The following NBAS variants were observed in gnomAD, a reference collection of about 807,000 sequenced individuals.
NBAS encodes the protein NAG/BC035112 fusion.
In NBAS, 219 loss-of-function variants were observed where a neutral mutation model predicts 302.5. The observed-to-expected ratio is 0.72, with a 90% CI of 0.65 to 0.81. NBAS has a LOEUF of 0.81. Among genes scored for constraint, NBAS ranks in the 30% least tolerant of loss-of-function variants. NBAS has a pLI of 0.00. For missense variants in NBAS, 2,932 were observed against 2,841.6 expected (o/e 1.03, Z -0.72); for synonymous variants, 1,118 against 1,021.6 (o/e 1.09, Z -1.80).
intron 47 of NBAS, 89 bp from the exon 48 acceptor site, chr2:15,219,057 C>T: frequency 4.0e-6 from 6 of 1,490,100 alleles, no homozygotes; most frequent in Non-Finnish European, 5.5e-6. Flanking sequence ...TGACCTAACA[C>T]TTGTTTGTTG....
intron 12 of NBAS, among the ~76,000 whole-genome samples, chr2:15,484,087 T>C (rs1326022241): frequency 6.6e-6 from 1 of 152,166 alleles, no homozygotes; most frequent in African/African-American, 2.4e-5. Context: ...AGGATTCCAG[T>C]GATGAGTACA....
the NBAS span, among the ~76,000 whole-genome samples, chr2:15,158,605 C>A: frequency 6.6e-6 from 1 of 152,206 alleles, no homozygotes; most frequent in Non-Finnish European, 1.5e-5. Flanking sequence ...AACTCCTCTC[C>A]GGCTCCTTCT....
At chr2:15,110,541 G>A in the NBAS span, among the ~76,000 whole-genome samples, 11 of 152,086 alleles carry the variant, frequency 7.2e-5, no homozygotes, top group East Asian at 1.9e-4. Context: ...CAGCCTGCTC[G>A]CCAGAGTGAT....
chr2:14,839,308 G>T, the NBAS span, among the ~76,000 whole-genome samples: 8 of 150,248 alleles, frequency 5.3e-5, no homozygotes, highest in African/African-American at 2.0e-4. Flanking sequence ...CCCAACTCAG[G>T]GTTTTTACAT....
chr2:15,252,432 A>G (rs1572530630), intron 44 of NBAS, among the ~76,000 whole-genome samples: 1 of 152,102 alleles, frequency 6.6e-6, no homozygotes, highest in East Asian at 1.9e-4. Context: ...CGGGAGGTGG[A>G]GGTTGCAGTG....
At chr2:14,854,862 T>C in the NBAS span, among the ~76,000 whole-genome samples, 1 of 152,238 alleles carries the variant, frequency 6.6e-6, no homozygotes, top group Non-Finnish European at 1.5e-5. Flanking sequence ...CTGCAACTCA[T>C]AGGTGAGTCC....
At chr2:15,371,928 A>T (rs1674505658) in intron 31 of NBAS, among the ~76,000 whole-genome samples, 2 of 152,234 alleles carry the variant, frequency 1.3e-5, no homozygotes, top group Admixed American at 1.3e-4. Flanking sequence ...ACCTTTAAGT[A>T]TAAAAATAAT....
At chr2:15,073,435 T>C in the NBAS span, among the ~76,000 whole-genome samples, 2 of 143,972 alleles carry the variant, frequency 1.4e-5, no homozygotes, top group Admixed American at 7.0e-5. Flanking sequence ...AAGACAACAC[T>C]ATTGCACTCC....
intron 32 of NBAS, among the ~76,000 whole-genome samples, chr2:15,359,986 G>A (rs548611689): frequency 7.2e-5 from 11 of 152,228 alleles, no homozygotes; most frequent in Middle Eastern, 3.4e-3. Flanking sequence ...TAGCTCCTAG[G>A]CTACAAACCT....
the NBAS span, among the ~76,000 whole-genome samples, chr2:15,088,996 C>T: frequency 1.3e-5 from 2 of 152,194 alleles, no homozygotes; most frequent in Non-Finnish European, 2.9e-5. Flanking sequence ...GATACCCCAT[C>T]CCTGCAGCCT....
chr2:14,925,478 C>T, the NBAS span, among the ~76,000 whole-genome samples: 1 of 152,048 alleles, frequency 6.6e-6, no homozygotes, highest in Non-Finnish European at 1.5e-5. Context: ...ATTTGTTAAC[C>T]CATAAAATAT....
intron 44 of NBAS, among the ~76,000 whole-genome samples, chr2:15,261,295 C>T (rs940881926): frequency 2.6e-5 from 4 of 152,102 alleles, no homozygotes; most frequent in South Asian, 4.1e-4. Flanking sequence ...TAGTATAGCA[C>T]GTTAAGTGCT....
the NBAS span, among the ~76,000 whole-genome samples, chr2:14,915,565 G>T: frequency 9.2e-5 from 14 of 151,808 alleles, no homozygotes; most frequent in East Asian, 3.9e-4. Flanking sequence ...GATCTGATGG[G>T]TTTTTTTTGT....
intron 36 of NBAS, among the ~76,000 whole-genome samples, chr2:15,329,030 C>A (rs961392021): frequency 1.3e-5 from 2 of 152,184 alleles, no homozygotes; most frequent in Non-Finnish European, 1.5e-5. Context: ...ACCCCACACA[C>A]GGCTTTGAGA....
intron 12 of NBAS, among the ~76,000 whole-genome samples, chr2:15,480,147 C>G (rs1051696950): frequency 1.3e-5 from 2 of 152,100 alleles, no homozygotes; most frequent in Non-Finnish European, 2.9e-5. Context: ...TTGAGACTAG[C>G]TGGGTGATAT....
the NBAS span, among the ~76,000 whole-genome samples, chr2:14,921,154 C>T: frequency 1.1e-4 from 17 of 151,962 alleles, no homozygotes; most frequent in Non-Finnish European, 1.9e-4. Flanking sequence ...TTCAGTATTG[C>T]TGTGTCTCAG....
the NBAS span, among the ~76,000 whole-genome samples, chr2:15,059,638 T>C: frequency 2.0e-5 from 3 of 151,816 alleles, no homozygotes; most frequent in Non-Finnish European, 4.4e-5. Context: ...ACCTGGGGAG[T>C]TGAACTTTCA....
At chr2:15,427,588 A>T in intron 22 of NBAS, 123 bp downstream of exon 22, 2 of 821,542 alleles carry the variant, frequency 2.4e-6, no homozygotes, top group Non-Finnish European at 4.0e-6. Context: ...AACTTCACTC[A>T]AACTTTCTAA....
intron 43 of NBAS, 141 bp downstream of exon 43, chr2:15,276,707 GATA>G: frequency 2.5e-6 from 3 of 1,223,274 alleles, no homozygotes; most frequent in Non-Finnish European, 2.3e-6. Flanking sequence ...GAGTTGGAAA[GATA>G]ATAACTAAAG....
Sources: gnomAD v4.1 joint callset for allele counts (sites outside exome capture counted in the v4.1 genomes callset) on GRCh38, gnomAD v4.1.1 for gene constraint, MANE v1.5 for transcripts, NCBI Gene and HGNC (gene_info 2026-07-23, HGNC 2026-07-21) for gene names.